PRKCE: variants seen among roughly 807,000 people sequenced by gnomAD.
PRKCE encodes protein kinase C epsilon type.
PRKCE carries 16 observed loss-of-function variants against 85.4 expected under a neutral mutation model. The observed-to-expected ratio is 0.19, with a 90% CI of 0.13 to 0.28. The LOEUF (loss-of-function observed/expected upper bound fraction) is 0.28. Ranked by LOEUF, PRKCE falls within the 10% of genes least tolerant of loss-of-function variation. The pLI, the probability that PRKCE is intolerant of heterozygous loss-of-function variation, is 1.00. For missense variants in PRKCE, 573 were observed against 975.2 expected (o/e 0.59, Z 5.49); for synonymous variants, 388 against 371.5 (o/e 1.04, Z -0.51).
At chr2:45,930,108 G>T (rs922179748) in intron 2 of PRKCE, among the ~76,000 whole-genome samples, 6 of 152,182 alleles carry the variant, frequency 3.9e-5, no homozygotes, top group African/African-American at 1.4e-4. Context: ...GTTTCCTTTG[G>T]CAGTCAGATG....
At chr2:46,182,443 G>A (rs1680081868) in intron 14 of PRKCE, among the ~76,000 whole-genome samples, 1 of 152,218 alleles carries the variant, frequency 6.6e-6, no homozygotes, top group East Asian at 1.9e-4. Flanking sequence ...CTCCTGCCGG[G>A]GGCCAGCCCT....
intron 2 of PRKCE, among the ~76,000 whole-genome samples, chr2:45,849,749 A>G (rs1021763689): frequency 6.6e-6 from 1 of 152,200 alleles, no homozygotes; most frequent in Non-Finnish European, 1.5e-5. Context: ...ATGTTCAACA[A>G]CATTGATCTT....
intron 2 of PRKCE, among the ~76,000 whole-genome samples, chr2:45,871,326 T>G (rs1399604274): frequency 6.6e-6 from 1 of 152,132 alleles, no homozygotes; most frequent in Non-Finnish European, 1.5e-5. Context: ...GCAATTGCAG[T>G]TGGGGTCCAG....
At chr2:45,935,917 A>G (rs961831416) in intron 2 of PRKCE, among the ~76,000 whole-genome samples, 5 of 152,186 alleles carry the variant, frequency 3.3e-5, no homozygotes, top group African/African-American at 9.6e-5. Flanking sequence ...GGCACACTGG[A>G]GTCCTGGAGT....
At chr2:45,683,894 G>T (rs1276927779) in intron 1 of PRKCE, among the ~76,000 whole-genome samples, 4 of 152,194 alleles carry the variant, frequency 2.6e-5, no homozygotes, top group Non-Finnish European at 5.9e-5. Context: ...TAAGTTTGCA[G>T]CCAATTCTCA....
intron 2 of PRKCE, among the ~76,000 whole-genome samples, chr2:45,929,861 C>T (rs1698905628): frequency 6.6e-6 from 1 of 152,156 alleles, no homozygotes; most frequent in African/African-American, 2.4e-5. Context: ...TGTTTAGTGC[C>T]TGCATTTCCT....
intron 7 of PRKCE, chr2:46,003,797 GTC>G (rs1558946060): frequency 6.6e-6 from 1 of 152,312 alleles, no homozygotes; most frequent in Non-Finnish European, 1.5e-5. Flanking sequence ...ACAAACTGAA[GTC>G]TCTTGTTTTC....
intron 1 of PRKCE, among the ~76,000 whole-genome samples, chr2:45,668,526 C>G (rs1439383580): frequency 6.6e-6 from 1 of 152,094 alleles, no homozygotes; most frequent in East Asian, 1.9e-4. Flanking sequence ...GACGGATGGT[C>G]TTTCTCCTTA....
At chr2:46,122,340 TC>T (rs1441248250) in intron 11 of PRKCE, among the ~76,000 whole-genome samples, 1 of 152,166 alleles carries the variant, frequency 6.6e-6, no homozygotes, top group Non-Finnish European at 1.5e-5. Flanking sequence ...CAAGTGATTC[TC>T]CTGCTCAGCC....
chr2:45,751,807 C>CTTTTTT (rs1444919980), intron 1 of PRKCE, among the ~76,000 whole-genome samples: 2 of 124,216 alleles, frequency 1.6e-5, no homozygotes, highest in South Asian at 2.6e-4. Context: ...AAGCTAACCA[C>CTTTTTT]TATTTTTTTT....
At chr2:45,797,423 C>T (rs1687528871) in intron 1 of PRKCE, among the ~76,000 whole-genome samples, 1 of 152,246 alleles carries the variant, frequency 6.6e-6, no homozygotes, top group Non-Finnish European at 1.5e-5. Context: ...CCTGTGGACC[C>T]AGTTCCATGG....
chr2:45,948,475 A>G (rs1475914686), intron 2 of PRKCE, among the ~76,000 whole-genome samples: 1 of 152,106 alleles, frequency 6.6e-6, no homozygotes, highest in Non-Finnish European at 1.5e-5. Context: ...CCCTGTCTCT[A>G]AAAAATATTT....
At chr2:45,664,275 C>G (rs35908816) in intron 1 of PRKCE, among the ~76,000 whole-genome samples, 19,083 of 152,144 alleles carry the variant, frequency 0.13, 3,228 homozygotes, top group African/African-American at 0.39. Context: ...AGTTAGTCCT[C>G]GGTTTGAAAT....
At chr2:46,082,027 G>A (rs1237792182) in intron 10 of PRKCE, among the ~76,000 whole-genome samples, 1 of 152,108 alleles carries the variant, frequency 6.6e-6, no homozygotes, top group Non-Finnish European at 1.5e-5. Flanking sequence ...CCTGGGAGGC[G>A]AGGTTGCAGT....
rs1242104185 is a variant in PRKCE, at chr2:45,715,716, G to C, written c.348+63268G>C. Among the ~76,000 whole-genome samples, 3 of 152,256 alleles carry C rather than the reference G, an allele frequency of 2.0e-5. No homozygotes were observed. In the East Asian group the frequency reaches 5.8e-4, roughly 29 times the overall value. ...GCAGGTAAAGGGGGGATTATCTGTG[G>C]GTGGATTCTGAGAGCCCTCTGTCTT... is the stretch of plus-strand genomic sequence containing the variant. On this transcript the variant is annotated intron_variant, in intron 1 of 14. Transcript: ENST00000306156.
chr2:45,817,489 C>A (rs551603250), intron 1 of PRKCE, among the ~76,000 whole-genome samples: 48 of 151,980 alleles, frequency 3.2e-4, no homozygotes, highest in African/African-American at 1.1e-3. Context: ...GTCAGGAGAT[C>A]GAGACCATCC....
At chr2:45,771,204 T>C (rs1275013517) in intron 1 of PRKCE, among the ~76,000 whole-genome samples, 2 of 152,110 alleles carry the variant, frequency 1.3e-5, no homozygotes, top group Non-Finnish European at 2.9e-5. Context: ...TTGGCAAAGA[T>C]GGTGATGCTA....
At chr2:45,950,621 C>T (rs947624864) in intron 2 of PRKCE, among the ~76,000 whole-genome samples, 4 of 152,068 alleles carry the variant, frequency 2.6e-5, no homozygotes, top group African/African-American at 4.8e-5. Context: ...TACAAGATGC[C>T]TGGTTTGATG....
intron 13 of PRKCE, among the ~76,000 whole-genome samples, chr2:46,157,986 C>T (rs948526322): frequency 4.6e-5 from 7 of 152,204 alleles, no homozygotes; most frequent in Admixed American, 6.5e-5. Context: ...CAACAATAAG[C>T]GGCTGTGCCA....
Sources: gnomAD v4.1 joint callset for allele counts (sites outside exome capture counted in the v4.1 genomes callset) on GRCh38, gnomAD v4.1.1 for gene constraint, MANE v1.5 for transcripts, NCBI Gene and HGNC (gene_info 2026-07-23, HGNC 2026-07-21) for gene names.